The following SLC2A13 variants were observed in gnomAD, a reference collection of about 807,000 sequenced individuals.
The protein encoded by SLC2A13 is solute carrier family 2 member 13, also known as proton myo-inositol cotransporter.
Under a neutral mutation model 64.4 loss-of-function variants are expected in SLC2A13, and 32 were observed. That is an observed-to-expected ratio of 0.50 (90% CI 0.37 to 0.67). The LOEUF (loss-of-function observed/expected upper bound fraction) is 0.67, where lower values mean the gene tolerates loss of function less well. SLC2A13 is among the 30% of genes least tolerant of loss of function. SLC2A13 has a pLI of 0.00. For synonymous variants in SLC2A13, 338 were observed against 327.1 expected (o/e 1.03, Z -0.36); for missense variants, 743 against 829.2 (o/e 0.90, Z 1.28).
intron 3 of SLC2A13, among the ~76,000 whole-genome samples, chr12:39,984,395 G>T (rs1025574886): frequency 2.0e-5 from 3 of 151,848 alleles, no homozygotes; most frequent in South Asian, 2.1e-4. Flanking sequence ...TATAAACAAA[G>T]AATTTAATAA....
In SLC2A13 at chr12:39,812,401, TCTTC is replaced by T. The variant is rs140557088; in HGVS notation, c.1445+17698_1445+17701del. Among the ~76,000 whole-genome samples the T allele has an allele frequency of 4.8e-3, 690 of 143,156 alleles. 8 individuals are homozygous for T. The highest frequency in any genetic ancestry group is 0.015 in the East Asian group (73 of 5,024). The allele number at this position is 143,156 out of a possible 152,430, so 93.9% of individuals were successfully genotyped here. A position where few individuals can be genotyped will look rare whatever the true frequency, so the allele number is the denominator to read the frequency against. On this transcript the variant is annotated intron_variant, in intron 7 of 9. Transcript: ENST00000280871. ...TCTTTTCTTTCTTTCTCTCTCTCTT[TCTTC>T]CTTCCTTCCTTCCTTCCTGCCTTCC...
At position 39,756,924 on chromosome 12, in the gene SLC2A13, T is replaced by C. The variant is rs1939983508; in HGVS notation, c.*3102A>G. On this transcript the variant is annotated 3_prime_UTR_variant, in exon 10 of 10. Coordinates refer to ENST00000280871, the MANE Select transcript of SLC2A13 (RefSeq NM_052885.4). ...TTTTGTATCAGGGAACTACTGTGTA[T>C]GGCTGGGAACAAAATTTAAAATGGA... The C allele has an allele frequency of 1.3e-5, 2 of 151,604 alleles. No individual in the cohort carries two copies. The highest frequency in any genetic ancestry group is 3.9e-4 in the East Asian group (2 of 5,172). 9.4% of individuals were successfully genotyped at this position (151,604 alleles called of 1,614,324 possible). A position where few individuals can be genotyped will look rare whatever the true frequency, so the allele number is the denominator to read the frequency against.
At chr12:40,020,458 T>C (rs1344235198) in intron 3 of SLC2A13, among the ~76,000 whole-genome samples, 2 of 152,196 alleles carry the variant, frequency 1.3e-5, no homozygotes, top group Non-Finnish European at 2.9e-5. Context: ...CCTTCCACTA[T>C]GATTCTGAAT....
At chr12:39,872,533 G>A (rs990377352) in intron 4 of SLC2A13, among the ~76,000 whole-genome samples, 57 of 152,216 alleles carry the variant, frequency 3.7e-4, no homozygotes, top group Admixed American at 4.6e-4. Context: ...TATGTTTCCC[G>A]AAAAAGGGTA....
intron 4 of SLC2A13, among the ~76,000 whole-genome samples, chr12:39,940,520 A>G (rs1208884033): frequency 6.6e-6 from 1 of 152,078 alleles, no homozygotes; most frequent in Non-Finnish European, 1.5e-5. Context: ...ACAAGTATGA[A>G]TGACTCATTC....
At chr12:39,908,819 G>A (rs1484806037) in intron 4 of SLC2A13, among the ~76,000 whole-genome samples, 1 of 151,942 alleles carries the variant, frequency 6.6e-6, no homozygotes, top group Non-Finnish European at 1.5e-5. Context: ...GGAGGACCAG[G>A]AAAACAGACC....
chr12:39,773,899 C>T (rs12317805), intron 7 of SLC2A13, among the ~76,000 whole-genome samples: 66 of 152,244 alleles, frequency 4.3e-4, no homozygotes, highest in African/African-American at 1.4e-3. Context: ...ACACATCTAC[C>T]ATCGTTCTAC....
At chr12:39,768,581 T>A (rs554770540) in intron 7 of SLC2A13, among the ~76,000 whole-genome samples, 17 of 152,140 alleles carry the variant, frequency 1.1e-4, no homozygotes, top group African/African-American at 3.9e-4. Context: ...TCTTAGGGAA[T>A]AGAGAGGCTC....
At chr12:39,864,031 G>A (rs1002310691) in intron 6 of SLC2A13, among the ~76,000 whole-genome samples, 2 of 152,194 alleles carry the variant, frequency 1.3e-5, no homozygotes, top group African/African-American at 4.8e-5. Flanking sequence ...GGGATTGCTA[G>A]ACTTTATGGT....
intron 3 of SLC2A13, among the ~76,000 whole-genome samples, chr12:39,966,832 T>C (rs1331745613): frequency 4.6e-5 from 7 of 152,222 alleles, no homozygotes; most frequent in Non-Finnish European, 1.0e-4. Context: ...TTATTTTCCT[T>C]GGCATTTTGC....
chr12:39,768,661 T>TAA (rs1940449885), intron 7 of SLC2A13, among the ~76,000 whole-genome samples: 1 of 152,048 alleles, frequency 6.6e-6, no homozygotes, highest in Non-Finnish European at 1.5e-5. Flanking sequence ...CATTTATAAT[T>TAA]AAGTTTGACG....
At chr12:39,885,668 G>T (rs1474100118) in intron 4 of SLC2A13, among the ~76,000 whole-genome samples, 2 of 152,106 alleles carry the variant, frequency 1.3e-5, no homozygotes, top group Non-Finnish European at 2.9e-5. Context: ...CTCCTCTGAG[G>T]AATTAATTCT....
At chr12:40,066,863 C>T (rs977330346) in intron 1 of SLC2A13, among the ~76,000 whole-genome samples, 35 of 152,108 alleles carry the variant, frequency 2.3e-4, no homozygotes, top group Non-Finnish European at 4.1e-4. Flanking sequence ...AAAGCTAAAT[C>T]TCAAAGTTGA....
intron 2 of SLC2A13, among the ~76,000 whole-genome samples, chr12:40,041,025 C>T (rs1388954842): frequency 6.6e-6 from 1 of 152,092 alleles, no homozygotes; most frequent in African/African-American, 2.4e-5. Context: ...ATGATCTTGG[C>T]TCACTGCAAC....
intron 7 of SLC2A13, among the ~76,000 whole-genome samples, chr12:39,811,193 C>A (rs1942146480): frequency 6.6e-6 from 1 of 151,994 alleles, no homozygotes; most frequent in African/African-American, 2.4e-5. Context: ...AAAGTTGGGT[C>A]TCCTTTTCTC....
At chr12:40,011,224 G>A (rs183040681) in intron 3 of SLC2A13, among the ~76,000 whole-genome samples, 1 of 152,200 alleles carries the variant, frequency 6.6e-6, no homozygotes, top group East Asian at 1.9e-4. Flanking sequence ...GTTCTATGTT[G>A]CAGGGGCTGT....
intron 7 of SLC2A13, among the ~76,000 whole-genome samples, chr12:39,787,452 G>C (rs375847806): frequency 1.3e-5 from 2 of 152,124 alleles, no homozygotes; most frequent in African/African-American, 4.8e-5. Context: ...GTTCTCTAAA[G>C]CAGAGAGAAA....
At chr12:39,859,514 G>A (rs1198899950) in intron 6 of SLC2A13, among the ~76,000 whole-genome samples, 3 of 151,832 alleles carry the variant, frequency 2.0e-5, no homozygotes, top group African/African-American at 7.3e-5. Flanking sequence ...ACTCTTAATT[G>A]AGAAGTTTTT....
chr12:40,017,558 A>G (rs1477788369), intron 3 of SLC2A13, among the ~76,000 whole-genome samples: 4 of 152,160 alleles, frequency 2.6e-5, no homozygotes, highest in Admixed American at 2.6e-4. Flanking sequence ...TTTGACTGCA[A>G]TTCAAGGCAA....
Sources: gnomAD v4.1 joint callset for allele counts (sites outside exome capture counted in the v4.1 genomes callset) on GRCh38, gnomAD v4.1.1 for gene constraint, MANE v1.5 for transcripts, NCBI Gene and HGNC (gene_info 2026-07-23, HGNC 2026-07-21) for gene names.